SPATS2L: variants seen among roughly 807,000 people sequenced by gnomAD.
SPATS2L encodes the protein spermatogenesis associated serine rich 2 like.
A neutral mutation model predicts 59.6 loss-of-function variants in SPATS2L; 30 were observed. The observed-to-expected ratio is 0.50, with a 90% confidence interval of 0.38 to 0.68. The LOEUF (loss-of-function observed/expected upper bound fraction) is 0.68, where lower values mean the gene tolerates loss of function less well. Among genes scored for constraint, SPATS2L ranks in the 30% least tolerant of loss-of-function variants. SPATS2L has a pLI of 0.00. For synonymous variants in SPATS2L, 252 were observed against 263.5 expected (o/e 0.96, Z 0.42); for missense variants, 615 against 700.0 (o/e 0.88, Z 1.37).
intron 3 of SPATS2L, among the ~76,000 whole-genome samples, chr2:200,396,245 G>A (rs963386633): frequency 6.6e-6 from 1 of 151,496 alleles, no homozygotes; most frequent in Non-Finnish European, 1.5e-5. Flanking sequence ...TAATGTCATC[G>A]CTGAGCTGCG....
At chr2:200,362,787 A>G (rs1411474584) in intron 2 of SPATS2L, among the ~76,000 whole-genome samples, 1 of 152,132 alleles carries the variant, frequency 6.6e-6, no homozygotes, top group South Asian at 2.1e-4. Flanking sequence ...GTAAAAAAAT[A>G]TCTAAGGATA....
chr2:200,339,675 A>G (rs1386099396), intron 2 of SPATS2L, among the ~76,000 whole-genome samples: 1 of 152,220 alleles, frequency 6.6e-6, no homozygotes, highest in Admixed American at 6.5e-5. Context: ...CAATAACATA[A>G]AGTCAATTCT....
intron 2 of SPATS2L, among the ~76,000 whole-genome samples, chr2:200,333,482 A>G (rs562631986): frequency 6.6e-6 from 1 of 151,326 alleles, no homozygotes; most frequent in African/African-American, 2.4e-5. Flanking sequence ...GTTTTTTAAA[A>G]TTTTTTTTAT....
chr2:200,340,940 C>A lies in SPATS2L; in HGVS notation c.-23+11460C>A, dbSNP rs529238214. 2.6e-4 allele frequency among the ~76,000 whole-genome samples: 40 copies of A among 152,202 alleles called. 1 individual carries two copies. Among genetic ancestry groups the A allele is most frequent in the African/African-American group, 8.2e-4 (34 of 41,534 alleles). ...TTGTGAGAAATAGCGAATTTCTCTG[C>A]TGATAAAATTATGAATCACAGAAGC... On this transcript the variant is annotated intron_variant, in intron 2 of 12. Coordinates refer to ENST00000409140, the MANE Select transcript of SPATS2L (RefSeq NM_001100423.2).
chr2:200,419,169 T>C, intron 5 of SPATS2L, 81 bp from the exon 6 acceptor site: 2 of 1,397,656 alleles, frequency 1.4e-6, no homozygotes, highest in Non-Finnish European at 1.9e-6. Context: ...AGATAGCATA[T>C]CTTATTTTCA....
At chr2:200,375,586 G>A (rs1484790337) in intron 2 of SPATS2L, among the ~76,000 whole-genome samples, 3 of 152,114 alleles carry the variant, frequency 2.0e-5, no homozygotes, top group Non-Finnish European at 4.4e-5. Flanking sequence ...TGGATTGGAA[G>A]GTGTGTGAAA....
At chr2:200,463,465 CAA>C (rs1467843543) in intron 9 of SPATS2L, 3 of 152,102 alleles carry the variant, frequency 2.0e-5, no homozygotes, top group Admixed American at 6.6e-5. Flanking sequence ...TGTAATTGCA[CAA>C]AAGAGGAAGT....
intron 9 of SPATS2L, among the ~76,000 whole-genome samples, chr2:200,466,637 TCA>T (rs2086625100): frequency 6.6e-6 from 1 of 152,234 alleles, no homozygotes; most frequent in Non-Finnish European, 1.5e-5. Context: ...CTGGCCTCAC[TCA>T]CTCTTGAAAT....
chr2:200,463,365 C>T (rs1017016989), intron 9 of SPATS2L: 9 of 152,262 alleles, frequency 5.9e-5, no homozygotes, highest in Admixed American at 5.2e-4. Context: ...GCTGAGAAGA[C>T]TGCAGGTACT....
chr2:200,361,883 G>C (rs554814644), intron 2 of SPATS2L, among the ~76,000 whole-genome samples: 5 of 152,250 alleles, frequency 3.3e-5, no homozygotes, highest in Admixed American at 6.5e-5. Context: ...ATTATGATTT[G>C]TTCAGGGTAT....
chr2:200,377,467 G>A (rs747020586), intron 2 of SPATS2L, among the ~76,000 whole-genome samples: 4 of 152,346 alleles, frequency 2.6e-5, no homozygotes, highest in African/African-American at 9.6e-5. Flanking sequence ...GGTGGGGCCT[G>A]ATCTGAGAGG....
At chr2:200,408,387 C>T (rs1259919142) in intron 3 of SPATS2L, among the ~76,000 whole-genome samples, 1 of 152,112 alleles carries the variant, frequency 6.6e-6, no homozygotes, top group Admixed American at 6.5e-5. Context: ...GAATATACTC[C>T]AGGAAGAGCA....
At chr2:200,459,064 T>C (rs1438152031) in intron 8 of SPATS2L, among the ~76,000 whole-genome samples, 1 of 152,178 alleles carries the variant, frequency 6.6e-6, no homozygotes, top group Admixed American at 6.5e-5. Flanking sequence ...ATGCATTACT[T>C]CTGGGAGGGG....
chr2:200,477,850 C>T lies in SPATS2L; in HGVS notation c.1496C>T (p.Pro499Leu), dbSNP rs1238334138. Reference protein sequence around the residue: ...NQEASLGMKTPEAPAHSEKPR... With the variant: ...NQEASLGMKTLEAPAHSEKPR... ...GAGGCTTCCTTGGGGATGAAGACCC[C>T]CGAGGCCCCGGCCCATTCTGAAAAG... The change falls in exon 13 of 13, where the codon CCC becomes CTC. Residue 499 changes from proline to leucine, a missense_variant. Around this residue, in one of 3 missense-constraint regions of SPATS2L, gnomAD observed 284 missense variants for 280.1 expected, o/e 1.01. Transcript: ENST00000409140. 6.3e-7 allele frequency: 1 copy of T among 1,587,754 alleles called. No individual in the cohort carries two copies. Among genetic ancestry groups the T allele is most frequent in the Non-Finnish European group, 8.6e-7 (1 of 1,167,018 alleles).
chr2:200,387,023 CT>C (rs2082014005), intron 2 of SPATS2L, among the ~76,000 whole-genome samples: 1 of 152,244 alleles, frequency 6.6e-6, no homozygotes, highest in Admixed American at 6.5e-5. Context: ...CTTTCCACCC[CT>C]GGCTTGTAAA....
chr2:200,307,208 C>A (rs2079049119), intron 1 of SPATS2L, among the ~76,000 whole-genome samples: 1 of 151,638 alleles, frequency 6.6e-6, no homozygotes, highest in South Asian at 2.1e-4. Flanking sequence ...GCTCCCCGGG[C>A]GAGCGTGTGG....
intron 8 of SPATS2L, among the ~76,000 whole-genome samples, chr2:200,444,487 C>G (rs1433906094): frequency 6.6e-6 from 1 of 151,932 alleles, no homozygotes; most frequent in Non-Finnish European, 1.5e-5. Context: ...AATGGGGTAG[C>G]GTGTGTGCTG....
At chr2:200,411,865 A>G (rs1421501708) in intron 3 of SPATS2L, among the ~76,000 whole-genome samples, 4 of 152,196 alleles carry the variant, frequency 2.6e-5, no homozygotes, top group African/African-American at 9.7e-5. Flanking sequence ...GACCCTCAAG[A>G]TGACTGTTTC....
At chr2:200,386,850 A>G (rs1313617502) in intron 2 of SPATS2L, among the ~76,000 whole-genome samples, 1 of 151,956 alleles carries the variant, frequency 6.6e-6, no homozygotes, top group Non-Finnish European at 1.5e-5. Flanking sequence ...TCTCATACAC[A>G]CATTCATATA....
Sources: gnomAD v4.1 joint callset for allele counts (sites outside exome capture counted in the v4.1 genomes callset) on GRCh38, gnomAD v4.1.1 for gene constraint, gnomAD v4.1.1 regional missense constraint, MANE v1.5 for transcripts, NCBI Gene and HGNC (gene_info 2026-07-23, HGNC 2026-07-21) for gene names.